The following ITCH variants were observed in gnomAD, a reference collection of about 807,000 sequenced individuals.
The protein encoded by ITCH is E3 ubiquitin-protein ligase Itchy homolog.
In ITCH, 28 loss-of-function variants were observed where a neutral mutation model predicts 126.8. The observed-to-expected ratio is 0.22, with a 90% CI of 0.16 to 0.30. The LOEUF is 0.30. ITCH is among the 10% of genes least tolerant of loss of function. The pLI, the probability that ITCH is intolerant of heterozygous loss-of-function variation, is 1.00. For synonymous variants in ITCH, 342 were observed against 340.0 expected, an observed-to-expected ratio of 1.01 and a Z score of -0.06; for missense variants, 631 against 1,032.4, an observed-to-expected ratio of 0.61 and a Z score of 5.33.
At position 34,504,340 on chromosome 20, in the gene ITCH, G is replaced by T; in HGVS notation, c.2426G>T (p.Gly809Val). 1 of 1,612,834 alleles carries T rather than the reference G, an allele frequency of 6.2e-7. No homozygotes were observed. The highest frequency in any genetic ancestry group is 8.5e-7 in the Non-Finnish European group (1 of 1,178,862). Residue 809 changes from glycine (G) to valine (V), a missense_variant, in exon 24 of 25, where the codon GGA becomes GTA. Physicochemically the swap from Gly to Val is moderately radical, Grantham distance 109 (BLOSUM62 -3). Transcript: ENST00000374864. ...TTTCATTATGTTTTAGGGAGCAATGGACCACAGAAATTCTGCATTGAAAAA... is the reference window on the plus strand; with the variant it reads ...TTTCATTATGTTTTAGGGAGCAATGTACCACAGAAATTCTGCATTGAAAAA... ...GGFADLMGSN[G>V]PQKFCIEKVG...
At chr20:34,451,719 GA>G (rs982817033) in intron 12 of ITCH, among the ~76,000 whole-genome samples, 2 of 151,920 alleles carry the variant, frequency 1.3e-5, no homozygotes, top group Non-Finnish European at 2.9e-5. Flanking sequence ...TAGAGAAGGA[GA>G]AAAAAACTCA....
At chr20:34,367,224 C>T (rs114075217) in intron 1 of ITCH, among the ~76,000 whole-genome samples, 1,830 of 152,216 alleles carry the variant, frequency 0.012, 27 homozygotes, top group African/African-American at 0.042. Flanking sequence ...GCCATGCAGG[C>T]TGGAGTGCAG....
intron 3 of ITCH, among the ~76,000 whole-genome samples, chr20:34,407,983 G>T (rs1978372770): frequency 6.6e-6 from 1 of 152,138 alleles, no homozygotes; most frequent in South Asian, 2.1e-4. Context: ...TTGAGATATG[G>T]TCTCGCTGTG....
intron 14 of ITCH, among the ~76,000 whole-genome samples, chr20:34,462,479 A>G (rs780044168): frequency 3.2e-4 from 48 of 152,320 alleles, no homozygotes; most frequent in Non-Finnish European, 4.6e-4. Context: ...CTGCTTACCA[A>G]TTAGTCTCTG....
At chr20:34,471,822 A>G (rs1312338011) in intron 16 of ITCH, among the ~76,000 whole-genome samples, 4 of 151,020 alleles carry the variant, frequency 2.6e-5, no homozygotes, top group Admixed American at 2.6e-4. Flanking sequence ...CTAAACTGGT[A>G]TGATTTGAAA....
chr20:34,396,576 A>G (rs2038684937), intron 3 of ITCH, among the ~76,000 whole-genome samples: 1 of 149,828 alleles, frequency 6.7e-6, no homozygotes, highest in Admixed American at 6.7e-5. Flanking sequence ...TGGTGCAGTC[A>G]TGGCTGACTG....
rs768683059 is a variant in ITCH, at chr20:34,408,730, G to A, written c.150G>A (p.Gln50=). The part of the protein sequence containing the change: ...SPYVEVTVDG[Q]SKKTEKCNNT... ...ACGTAGAGGTCACAGTAGATGGACA[G>A]TCAAAGAAGACAGAAAAATGCAACA... Residue 50 remains glutamine, a synonymous_variant, in exon 4 of 25, where the codon CAG becomes CAA. Transcript: ENST00000374864. The A allele has an allele frequency of 1.9e-6, 3 of 1,614,014 alleles. No individual in the cohort carries two copies. The Admixed American group carries it at 5.0e-5, about 27-fold the overall frequency.
At chr20:34,364,780 A>C (rs113948593) in intron 1 of ITCH, among the ~76,000 whole-genome samples, 15 of 147,342 alleles carry the variant, frequency 1.0e-4, no homozygotes, top group African/African-American at 3.6e-4. Flanking sequence ...AGTCCCAGCT[A>C]CTAGGGAGGC....
At chr20:34,409,509 A>G (rs1024063400) in intron 4 of ITCH, among the ~76,000 whole-genome samples, 1 of 152,166 alleles carries the variant, frequency 6.6e-6, no homozygotes, top group East Asian at 1.9e-4. Context: ...TCAAGTAGCT[A>G]GGACTACTAC....
intron 22 of ITCH, among the ~76,000 whole-genome samples, chr20:34,491,155 T>C (rs1989480867): frequency 6.6e-6 from 1 of 152,214 alleles, no homozygotes; most frequent in African/African-American, 2.4e-5. Context: ...AAACCCATCA[T>C]AAAGTCAAAA....
At chr20:34,452,126 T>C (rs1985340163) in intron 12 of ITCH, among the ~76,000 whole-genome samples, 1 of 151,340 alleles carries the variant, frequency 6.6e-6, no homozygotes, top group East Asian at 1.9e-4. Flanking sequence ...TTCATGGTTA[T>C]GGTCAGAAAC....
intron 7 of ITCH, among the ~76,000 whole-genome samples, chr20:34,426,195 A>T (rs13044810): frequency 3.9e-5 from 6 of 152,254 alleles, no homozygotes; most frequent in Non-Finnish European, 7.3e-5. Flanking sequence ...ATAAGCAGTG[A>T]GTAGGAAGAA....
chr20:34,481,372 T>A (rs185802282), intron 20 of ITCH, among the ~76,000 whole-genome samples, 166 bp downstream of exon 20: 32 of 152,348 alleles, frequency 2.1e-4, no homozygotes, highest in Non-Finnish European at 1.6e-4. Flanking sequence ...TTTTTTTAAG[T>A]GTTTTTAAAA....
At chr20:34,415,052 T>TA (rs1979640434) in intron 6 of ITCH, among the ~76,000 whole-genome samples, 1 of 152,222 alleles carries the variant, frequency 6.6e-6, no homozygotes, top group African/African-American at 2.4e-5. Context: ...CATCACTTCC[T>TA]AATGTGTTAA....
chr20:34,439,048 G>A (rs974930778), intron 8 of ITCH, among the ~76,000 whole-genome samples: 1 of 152,092 alleles, frequency 6.6e-6, no homozygotes, highest in Non-Finnish European at 1.5e-5. Flanking sequence ...TAAATAAAAA[G>A]TACACAACAA....
At chr20:34,368,938 T>C (rs1223226491) in intron 1 of ITCH, among the ~76,000 whole-genome samples, 2 of 152,220 alleles carry the variant, frequency 1.3e-5, no homozygotes, top group South Asian at 4.1e-4. Context: ...CTTTCTTTTG[T>C]CCTGTCTGCT....
Position 34,418,680 on chromosome 20 carries a change from A to G in ITCH, c.475+4801A>G, listed in dbSNP as rs537682204. 4.6e-5 allele frequency among the ~76,000 whole-genome samples: 7 copies of G among 151,588 alleles called. No individual in the cohort carries two copies. The South Asian group carries it at 1.5e-3, about 32-fold the overall frequency. ...TTGACTTACATTTGAACATACGTCTATGTATGCTCAGAATATTAAATAATT... is the reference window on the plus strand; with the variant it reads ...TTGACTTACATTTGAACATACGTCTGTGTATGCTCAGAATATTAAATAATT... On this transcript the variant is annotated intron_variant, in intron 6 of 24. Coordinates refer to ENST00000374864, the MANE Select transcript of ITCH (RefSeq NM_031483.7).
chr20:34,470,011 A>T, intron 14 of ITCH, 37 bp from the exon 15 acceptor site: 2 of 1,515,202 alleles, frequency 1.3e-6, no homozygotes, highest in South Asian at 2.2e-5. Flanking sequence ...TTTTACAAGC[A>T]GCTATATATG....
intron 13 of ITCH, among the ~76,000 whole-genome samples, chr20:34,459,055 C>T (rs938216617): frequency 6.6e-6 from 1 of 152,204 alleles, no homozygotes; most frequent in Non-Finnish European, 1.5e-5. Flanking sequence ...TCACTTCAGA[C>T]ATCAGCGACA....
Sources: allele counts gnomAD v4.1 joint callset (sites outside exome capture counted in the v4.1 genomes callset), GRCh38; gene constraint gnomAD v4.1.1; transcripts MANE v1.5; gene names NCBI Gene and HGNC (gene_info 2026-07-23, HGNC 2026-07-21).